LRRC7: variants seen among roughly 807,000 people sequenced by gnomAD.
LRRC7 encodes the protein leucine-rich repeat-containing protein 7.
A neutral mutation model predicts 175.7 loss-of-function variants in LRRC7; 23 were observed. The observed-to-expected ratio is 0.13, with a 90% confidence interval of 0.09 to 0.19. The LOEUF is 0.19. Ranked by LOEUF, LRRC7 falls within the 10% of genes least tolerant of loss-of-function variation. LRRC7 has a pLI of 1.00. For synonymous variants in LRRC7, 685 were observed against 680.9 expected, an observed-to-expected ratio of 1.01 and a Z score of -0.09; for missense variants, 1,354 against 1,904.7, an observed-to-expected ratio of 0.71 and a Z score of 5.38.
intron 1 of LRRC7, 56 bp downstream of exon 1, chr1:69,568,697 C>A (rs1193756693): frequency 2.4e-4 from 96 of 408,010 alleles, no homozygotes; most frequent in Non-Finnish European, 3.1e-4. Flanking sequence ...CCGGCCGCGG[C>A]GACCGTAGGC....
chr1:69,688,759 G>A (rs1027952259), intron 2 of LRRC7, among the ~76,000 whole-genome samples: 5 of 151,682 alleles, frequency 3.3e-5, no homozygotes, highest in African/African-American at 9.7e-5. Flanking sequence ...AGAATGCTAT[G>A]TACTCATTGG....
intron 2 of LRRC7, among the ~76,000 whole-genome samples, chr1:69,679,035 G>T (rs1256286602): frequency 1.3e-5 from 2 of 152,052 alleles, no homozygotes; most frequent in East Asian, 3.9e-4. Context: ...TCAATATAAA[G>T]TCATTTTAGT....
intron 11 of LRRC7, among the ~76,000 whole-genome samples, chr1:69,998,420 TTTTTTTTTATTTTA>T (rs1655217697): frequency 6.6e-5 from 10 of 151,392 alleles, no homozygotes; most frequent in Admixed American, 5.9e-4. Flanking sequence ...GTCTCAGCCA[TTTTTTTTTATTTTA>T]ATGCCCTCAC....
intron 1 of LRRC7, among the ~76,000 whole-genome samples, chr1:69,587,712 G>T (rs911184860): frequency 6.6e-6 from 1 of 152,114 alleles, no homozygotes; most frequent in African/African-American, 2.4e-5. Flanking sequence ...AGCCATGATA[G>T]TTCTTGTGAT....
chr1:69,803,258 G>T lies in LRRC7; in HGVS notation c.421+11098G>T, dbSNP rs141356698. 2.0e-5 allele frequency among the ~76,000 whole-genome samples: 3 copies of T among 151,110 alleles called. No individual in the cohort carries two copies. The South Asian group carries it at 6.2e-4, about 31-fold the overall frequency. ...GCCATTCTTAATACTGAATTCTTCC[G>T]CAAGAATATTAGGTTCAACTTGTTG... is the stretch of plus-strand genomic sequence containing the variant. On this transcript the variant is annotated intron_variant, in intron 4 of 26. Transcript: ENST00000651989.
intron 1 of LRRC7, among the ~76,000 whole-genome samples, chr1:69,614,526 A>G (rs1034164223): frequency 2.2e-4 from 33 of 151,936 alleles, no homozygotes; most frequent in Admixed American, 4.6e-4. Flanking sequence ...TAAAACTCTC[A>G]TTTGCCCTGG....
intron 11 of LRRC7, among the ~76,000 whole-genome samples, chr1:70,006,737 C>T (rs1656029084): frequency 6.6e-6 from 1 of 152,130 alleles, no homozygotes; most frequent in Admixed American, 6.5e-5. Context: ...ATCACAAGTC[C>T]AGGCCTCCTG....
At chr1:70,030,588 A>G (rs1658610460) in intron 18 of LRRC7, among the ~76,000 whole-genome samples, 1 of 152,176 alleles carries the variant, frequency 6.6e-6, no homozygotes, top group Non-Finnish European at 1.5e-5. Context: ...AAACATTTAT[A>G]ATATGTTTTG....
intron 1 of LRRC7, among the ~76,000 whole-genome samples, chr1:69,599,861 G>T (rs1646982232): frequency 6.6e-6 from 1 of 152,118 alleles, no homozygotes; most frequent in African/African-American, 2.4e-5. Flanking sequence ...GCCAAAGATT[G>T]GTTTAAACCC....
chr1:69,889,304 A>G (rs1401859327), intron 7 of LRRC7, among the ~76,000 whole-genome samples: 2 of 152,190 alleles, frequency 1.3e-5, no homozygotes, highest in Non-Finnish European at 2.9e-5. Context: ...TCTCTAGAAC[A>G]TCTTTCTCTT....
rs1305996470 is a variant in LRRC7, at chr1:70,134,406, T to C, written c.*12519T>C. 2.0e-5 allele frequency among the ~76,000 whole-genome samples: 3 copies of C among 152,212 alleles called. No homozygotes were observed. The highest frequency in any genetic ancestry group is 4.4e-5 in the Non-Finnish European group (3 of 68,030). ...GCCAAATGTTTTTGTTTACTTCCTC[T>C]AAGCTAATTATATCCTCACCCTCAC... is the stretch of plus-strand genomic sequence containing the variant. On this transcript the variant is annotated 3_prime_UTR_variant, in exon 27 of 27. Coordinates refer to ENST00000651989, the MANE Select transcript of LRRC7 (RefSeq NM_001370785.2).
chr1:69,817,092 CT>C (rs1678687330), intron 4 of LRRC7, among the ~76,000 whole-genome samples: 1 of 151,742 alleles, frequency 6.6e-6, no homozygotes, highest in Non-Finnish European at 1.5e-5. Context: ...GTGCAAAAAC[CT>C]TTTTATTTTG....
chr1:69,966,118 AT>A (rs1651642554), intron 8 of LRRC7, among the ~76,000 whole-genome samples: 1 of 152,200 alleles, frequency 6.6e-6, no homozygotes, highest in East Asian at 1.9e-4. Flanking sequence ...TTAGAAAAAA[AT>A]GTAATAACTG....
At chr1:69,902,893 A>G (rs1226377961) in intron 7 of LRRC7, among the ~76,000 whole-genome samples, 1 of 152,212 alleles carries the variant, frequency 6.6e-6, no homozygotes, top group Non-Finnish European at 1.5e-5. Context: ...CGTGTCTTTT[A>G]CAGTTCTTTG....
chr1:69,861,538 GC>G (rs764009776), intron 7 of LRRC7, among the ~76,000 whole-genome samples: 6 of 152,160 alleles, frequency 3.9e-5, no homozygotes, highest in Non-Finnish European at 5.9e-5. Flanking sequence ...AACAAGTCCA[GC>G]CTACAGAGAC....
In LRRC7 at chr1:70,123,838, GA is replaced by G. The variant is rs1233582088; in HGVS notation, c.*1959del. ...TACTGGCCTCATAAGATCACTTAAA[GA>G]AAAAAAACTCATGGCTGTAGTTTGG... On this transcript the variant is annotated 3_prime_UTR_variant, in exon 27 of 27. Coordinates refer to ENST00000651989, the MANE Select transcript of LRRC7 (RefSeq NM_001370785.2). 2.6e-5 allele frequency among the ~76,000 whole-genome samples: 4 copies of G among 151,790 alleles called. No individual in the cohort carries two copies. Among genetic ancestry groups the G allele is most frequent in the Non-Finnish European group, 4.4e-5 (3 of 67,898 alleles).
intron 21 of LRRC7, among the ~76,000 whole-genome samples, 165 bp downstream of exon 21, chr1:70,039,958 T>G (rs1211943215): frequency 6.6e-6 from 1 of 152,230 alleles, no homozygotes; most frequent in East Asian, 1.9e-4. Flanking sequence ...TAGTTTTTCA[T>G]GGATGTGGCT....
intron 2 of LRRC7, among the ~76,000 whole-genome samples, chr1:69,717,066 C>T (rs914913304): frequency 5.3e-5 from 7 of 132,318 alleles, no homozygotes; most frequent in African/African-American, 2.0e-4. Flanking sequence ...TACATATATA[C>T]ATATATACAT....
At chr1:69,811,130 A>T (rs940760006) in intron 4 of LRRC7, among the ~76,000 whole-genome samples, 2 of 152,230 alleles carry the variant, frequency 1.3e-5, no homozygotes, top group African/African-American at 4.8e-5. Flanking sequence ...GCCACTTCTC[A>T]AAAGAGGACA....
Sources: gnomAD v4.1 joint callset for allele counts (sites outside exome capture counted in the v4.1 genomes callset) on GRCh38, gnomAD v4.1.1 for gene constraint, MANE v1.5 for transcripts, NCBI Gene and HGNC (gene_info 2026-07-23, HGNC 2026-07-21) for gene names.